Variants in NTN4 observed in about 807,000 individuals in gnomAD.
The protein encoded by NTN4 is netrin-4.
In NTN4, 32 loss-of-function variants were observed where a neutral mutation model predicts 73.6. The ratio of observed to expected loss-of-function variants is 0.44; its 90% CI spans 0.33 to 0.58. The LOEUF (loss-of-function observed/expected upper bound fraction) is 0.58, where lower values mean the gene tolerates loss of function less well. Ranked by LOEUF, NTN4 falls within the 20% of genes least tolerant of loss-of-function variation. NTN4 has a pLI of 0.04. For synonymous variants in NTN4, 258 were observed against 287.5 expected (o/e 0.90, Z 1.04); for missense variants, 654 against 798.3 (o/e 0.82, Z 2.18).
chr12:95,772,991 T>C (rs982754586), intron 2 of NTN4, among the ~76,000 whole-genome samples: 1 of 5,474 alleles, frequency 1.8e-4, no homozygotes, highest in Non-Finnish European at 5.0e-4. Flanking sequence ...AATGGCTTTT[T>C]TTTTTCTTTT....
intron 9 of NTN4, 35 bp downstream of exon 9, chr12:95,665,775 A>AGGTAG: frequency 6.5e-7 from 1 of 1,528,338 alleles, no homozygotes; most frequent in Non-Finnish European, 8.9e-7. Flanking sequence ...AGCAGAGACA[A>AGGTAG]GGTAGGTACT....
intron 9 of NTN4, among the ~76,000 whole-genome samples, chr12:95,664,763 C>A (rs1455574171): frequency 6.6e-6 from 1 of 152,050 alleles, no homozygotes; most frequent in Non-Finnish European, 1.5e-5. Context: ...CAGGCACATA[C>A]CACCATACTG....
chr12:95,785,127 T>C (rs1414383379), intron 2 of NTN4, among the ~76,000 whole-genome samples: 3 of 151,168 alleles, frequency 2.0e-5, no homozygotes, highest in Non-Finnish European at 4.4e-5. Context: ...TAGTCATCTT[T>C]AAATAATTGC....
intron 5 of NTN4, among the ~76,000 whole-genome samples, chr12:95,698,386 C>T (rs2078457879): frequency 6.6e-6 from 1 of 152,174 alleles, no homozygotes; most frequent in Admixed American, 6.5e-5. Context: ...TTGATATTTT[C>T]TAATTGTTTG....
At chr12:95,770,074 A>G (rs1298737728) in intron 2 of NTN4, among the ~76,000 whole-genome samples, 2 of 152,104 alleles carry the variant, frequency 1.3e-5, no homozygotes, top group African/African-American at 2.4e-5. Flanking sequence ...AATCTTGTCT[A>G]CTTATTAAAT....
chr12:95,790,531 C>G lies in NTN4; in HGVS notation c.-222G>C. 1.1e-5 allele frequency: 4 copies of G among 365,016 alleles called. No homozygotes were observed. The allele number at this position is 365,016 out of a possible 1,614,324, so 22.6% of individuals were successfully genotyped here. A position where few individuals can be genotyped will look rare whatever the true frequency, so the allele number is the denominator to read the frequency against. ...ACCCTCGCGCACCGGCCTGGCGGGT[C>G]CCGGGCACCTGGGGGGCGGCGGGAG... On this transcript the variant is annotated 5_prime_UTR_variant, in exon 1 of 10. Coordinates refer to ENST00000343702, the MANE Select transcript of NTN4 (RefSeq NM_021229.4). This position sits in a 1 kb window ranked among gnomAD's most constrained non-coding sequence, Gnocchi z 6.5.
intron 2 of NTN4, among the ~76,000 whole-genome samples, chr12:95,741,899 T>C (rs910533111): frequency 5.3e-5 from 8 of 152,028 alleles, no homozygotes; most frequent in Non-Finnish European, 1.0e-4. Context: ...TGAAGATACA[T>C]TTCCAAAGCT....
intron 3 of NTN4, among the ~76,000 whole-genome samples, chr12:95,718,345 T>A (rs1365688136): frequency 6.6e-6 from 1 of 152,144 alleles, no homozygotes; most frequent in Non-Finnish European, 1.5e-5. Flanking sequence ...TGTGGTTGAG[T>A]TTGAAACTGA....
chr12:95,670,226 A>G (rs2078217168), intron 7 of NTN4, 80 bp from the exon 8 acceptor site: 3 of 758,790 alleles, frequency 4.0e-6, no homozygotes, highest in Non-Finnish European at 4.4e-6. Flanking sequence ...AAGTGTATCC[A>G]GATAACACAT....
At chr12:95,665,311 A>G (rs989576172) in intron 9 of NTN4, among the ~76,000 whole-genome samples, 2 of 152,234 alleles carry the variant, frequency 1.3e-5, no homozygotes, top group Admixed American at 6.5e-5. Context: ...TTGAAACCAG[A>G]AATATCATTT....
chr12:95,689,977 G>A (rs1300434774), intron 5 of NTN4, among the ~76,000 whole-genome samples: 1 of 152,148 alleles, frequency 6.6e-6, no homozygotes, highest in Non-Finnish European at 1.5e-5. Context: ...GCAGACTTGA[G>A]TTTAACTCCT....
At chr12:95,741,308 GATATATAATTATATATTTATTATATAT>G (rs1329629412) in intron 2 of NTN4, among the ~76,000 whole-genome samples, 1 of 144,026 alleles carries the variant, frequency 6.9e-6, no homozygotes, top group Non-Finnish European at 1.5e-5. Context: ...AATTATATAT[GATATATAATTATATATTTATTATATAT>G]TAAATACAAT....
intron 5 of NTN4, among the ~76,000 whole-genome samples, chr12:95,708,562 ATTG>A (rs2078538767): frequency 6.6e-6 from 1 of 151,700 alleles, no homozygotes; most frequent in Admixed American, 6.6e-5. Context: ...CAGCCTCTTT[ATTG>A]TTATTTTTAA....
intron 2 of NTN4, among the ~76,000 whole-genome samples, chr12:95,741,471 A>ATATATC (rs2078826101): frequency 1.0e-5 from 1 of 99,810 alleles, no homozygotes. Flanking sequence ...ATATATATAT[A>ATATATC]TATCTCCTCC....
chr12:95,789,514 G>A lies in NTN4; in HGVS notation c.55+741C>T, dbSNP rs375809334. The stretch of plus-strand genomic sequence containing the variant: ...CAGAAACCACGAGCCAGGAGCCGGT[G>A]GCCTAGGGCAGCCCAAGAAAGCCAG... On this transcript the variant is annotated intron_variant, in intron 1 of 9. Transcript: ENST00000343702. This position sits in a 1 kb window ranked among gnomAD's most constrained non-coding sequence, Gnocchi z 4.0. Among the ~76,000 whole-genome samples the A allele has an allele frequency of 2.6e-5, 4 of 152,288 alleles. No individual in the cohort carries two copies. Among genetic ancestry groups the A allele is most frequent in the South Asian group, 4.1e-4 (2 of 4,828 alleles).
intron 9 of NTN4, among the ~76,000 whole-genome samples, chr12:95,659,810 G>A (rs1209712506): frequency 4.6e-5 from 7 of 152,062 alleles, no homozygotes; most frequent in African/African-American, 1.7e-4. Context: ...AAACTTGTTC[G>A]ATATCTTTTT....
At chr12:95,749,189 T>C (rs1255998268) in intron 2 of NTN4, among the ~76,000 whole-genome samples, 1 of 152,176 alleles carries the variant, frequency 6.6e-6, no homozygotes, top group African/African-American at 2.4e-5. Context: ...CTGACTCTCT[T>C]TTTGGACTCA....
rs200453216 is a variant in NTN4 at position 95,722,067 on chromosome 12, C to CT, written c.865-8730dup. ...TGCTTAAAGTTGTGATTCAGTAGAT[C>CT]TTTTTTTTTTTTTTTTTTGGTAGTA... On this transcript the variant is annotated intron_variant, in intron 3 of 9. Coordinates refer to ENST00000343702, the MANE Select transcript of NTN4 (RefSeq NM_021229.4). 8.3e-3 allele frequency among the ~76,000 whole-genome samples: 1,032 copies of CT among 124,464 alleles called. 9 individuals are homozygous for CT. The highest frequency in any genetic ancestry group is 0.019 in the African/African-American group (663 of 34,572). 81.7% of individuals were successfully genotyped at this position (124,464 alleles called of 152,430 possible). A position where few individuals can be genotyped will look rare whatever the true frequency, so the allele number is the denominator to read the frequency against.
intron 7 of NTN4, among the ~76,000 whole-genome samples, chr12:95,676,279 T>G (rs2078272750): frequency 6.6e-6 from 1 of 151,994 alleles, no homozygotes; most frequent in Non-Finnish European, 1.5e-5. Context: ...AATTTTTTTG[T>G]ATTTTTAAGT....
Sources: allele counts gnomAD v4.1 joint callset (sites outside exome capture counted in the v4.1 genomes callset), GRCh38; gene constraint gnomAD v4.1.1; non-coding constraint Gnocchi (gnomAD v3.1); transcripts MANE v1.5; gene names NCBI Gene and HGNC (gene_info 2026-07-23, HGNC 2026-07-21).